The following TGM2 variants were observed in gnomAD, a reference collection of about 807,000 sequenced individuals.
TGM2 encodes protein-glutamine gamma-glutamyltransferase 2.
In TGM2, 53 loss-of-function variants were observed where a neutral mutation model predicts 75.6. That is an observed-to-expected ratio of 0.70 (90% confidence interval 0.56 to 0.88). TGM2 has a LOEUF of 0.88. TGM2 is among the 40% of genes least tolerant of loss of function. The pLI, the probability that TGM2 is intolerant of heterozygous loss-of-function variation, is 0.00. For missense variants in TGM2, 842 were observed against 928.5 expected (o/e 0.91, Z 1.21); for synonymous variants, 374 against 381.1 (o/e 0.98, Z 0.22).
In TGM2 at chr20:38,128,930, C is replaced by G. The variant is rs2074794055; in HGVS notation, c.*1289G>C. 1 of 152,424 alleles carries G rather than the reference C, an allele frequency of 6.6e-6. No homozygotes were observed. The highest frequency in any genetic ancestry group is 1.5e-5 in the Non-Finnish European group (1 of 68,208). 9.4% of individuals were successfully genotyped at this position (152,424 alleles called of 1,614,324 possible). On this transcript the variant is annotated 3_prime_UTR_variant, in exon 13 of 13. Transcript: ENST00000361475. ...CTGGCAGCTAAGGCTGTTGGGAAGT[C>G]TAGGCATTGCAGCGGGCAGGCTCAT... is the stretch of plus-strand genomic sequence containing the variant.
chr20:38,128,658 G>A lies in TGM2; in HGVS notation c.*1561C>T, dbSNP rs1240816876. On this transcript the variant is annotated 3_prime_UTR_variant, in exon 13 of 13. Transcript: ENST00000361475. ...CAGAAAGTTCTAAATGCAACAGCAT[G>A]ATTCTCTCCAAGTCCTTCCCTGGGA... The A allele has an allele frequency of 6.6e-6, 1 of 152,208 alleles. No homozygotes were observed. Among genetic ancestry groups the A allele is most frequent in the Non-Finnish European group, 1.5e-5 (1 of 68,048 alleles). 9.4% of individuals were successfully genotyped at this position (152,208 alleles called of 1,614,324 possible). A position where few individuals can be genotyped will look rare whatever the true frequency, so the allele number is the denominator to read the frequency against.
chr20:38,140,611 C>T (rs548508745), intron 8 of TGM2, among the ~76,000 whole-genome samples: 4 of 152,180 alleles, frequency 2.6e-5, no homozygotes, highest in South Asian at 4.1e-4. Context: ...GTCATTACAA[C>T]CTTACAGCTG....
chr20:38,135,981 C>T (rs975549814), intron 10 of TGM2, among the ~76,000 whole-genome samples: 9 of 152,326 alleles, frequency 5.9e-5, no homozygotes, highest in Middle Eastern at 3.4e-3. Context: ...ATGTTCACCG[C>T]GCCCAAGGTG....
intron 8 of TGM2, among the ~76,000 whole-genome samples, chr20:38,140,265 A>T (rs2074955145): frequency 6.6e-6 from 1 of 152,264 alleles, no homozygotes; most frequent in Non-Finnish European, 1.5e-5. Context: ...TAGAGGCTGG[A>T]TAGATACAGT....
intron 2 of TGM2, among the ~76,000 whole-genome samples, chr20:38,159,315 TATGGACGCATAG>T (rs2122964747): frequency 1.3e-5 from 2 of 152,064 alleles, no homozygotes; most frequent in South Asian, 4.2e-4. Flanking sequence ...GACGAGAACA[TATGGACGCATAG>T]AGGGAAACAA....
chr20:38,154,818 CA>C (rs1420846459), intron 3 of TGM2, among the ~76,000 whole-genome samples: 1 of 152,108 alleles, frequency 6.6e-6, no homozygotes. Flanking sequence ...CAGGGCCTCC[CA>C]CCTCAGCCGG....
At chr20:38,146,333 T>G in intron 6 of TGM2, 1 of 357,282 alleles carries the variant, frequency 2.8e-6, no homozygotes, top group Non-Finnish European at 5.4e-6. Flanking sequence ...AAGGTCTTGA[T>G]GTTGTCCCCA....
In TGM2 at chr20:38,146,856, G is replaced by A; in HGVS notation, c.720C>T (p.Arg240=). ...CNDDQGVLLG[R]WDNNYGDGVS... is the part of the protein sequence containing the mutation. ...CGCCGTCCCCGTAGTTGTTGTCCCA[G>A]CGTCCCAGCAGCACACCCTGGTCAT... The change falls in exon 6 of 13, where the codon CGC becomes CGT. Residue 240 remains arginine (R), a synonymous_variant. Coordinates refer to ENST00000361475, the MANE Select transcript of TGM2 (RefSeq NM_004613.4). 1 of 1,614,010 alleles carries A rather than the reference G, an allele frequency of 6.2e-7. No individual in the cohort carries two copies. The highest frequency in any genetic ancestry group is 8.5e-7 in the Non-Finnish European group (1 of 1,180,046).
chr20:38,130,410 C>T, intron 12 of TGM2, 41 bp from the exon 13 acceptor site: 1 of 1,556,076 alleles, frequency 6.4e-7, no homozygotes, highest in African/African-American at 1.4e-5. Flanking sequence ...GGGCCCAAGG[C>T]CTGGCTCCCG....
intron 3 of TGM2, among the ~76,000 whole-genome samples, chr20:38,153,100 A>G (rs1411756293): frequency 1.3e-5 from 2 of 152,082 alleles, no homozygotes; most frequent in Non-Finnish European, 2.9e-5. Context: ...GCCACAGGGT[A>G]TGAAGCAAGG....
intron 9 of TGM2, among the ~76,000 whole-genome samples, chr20:38,138,821 G>C (rs1600486997): frequency 6.6e-6 from 1 of 152,280 alleles, no homozygotes; most frequent in East Asian, 1.9e-4. Context: ...CCCTGTCTCT[G>C]ATTGCTCCCT....
intron 6 of TGM2, 119 bp downstream of exon 6, chr20:38,146,598 C>T (rs577867649): frequency 2.7e-5 from 32 of 1,198,350 alleles, no homozygotes; most frequent in African/African-American, 1.4e-4. Context: ...GGCCACATAG[C>T]GCATTGAGAG....
upstream of TGM2, among the ~76,000 whole-genome samples, chr20:38,165,889 A>G (rs1486291552): frequency 1.3e-5 from 2 of 152,082 alleles, no homozygotes; most frequent in African/African-American, 2.4e-5. Context: ...ACACCAGGAC[A>G]TAGATACAGC....
intron 3 of TGM2, among the ~76,000 whole-genome samples, chr20:38,153,517 T>C (rs990941908): frequency 1.5e-5 from 1 of 65,032 alleles, no homozygotes; most frequent in African/African-American, 1.5e-4. Flanking sequence ...AGAGAGAGCC[T>C]TGGTCTCAAA....
chr20:38,160,764 G>T (rs2075243025), intron 2 of TGM2, among the ~76,000 whole-genome samples: 1 of 152,206 alleles, frequency 6.6e-6, no homozygotes, highest in African/African-American at 2.4e-5. Flanking sequence ...TGCCTGGCTG[G>T]GTTGCGTGGA....
chr20:38,129,922 C>A lies in TGM2; in HGVS notation c.*297G>T. The A allele has an allele frequency of 2.2e-6, 1 of 456,746 alleles. No individual in the cohort carries two copies. The allele number at this position is 456,746 out of a possible 1,614,324, so 28.3% of individuals were successfully genotyped here. A position where few individuals can be genotyped will look rare whatever the true frequency, so the allele number is the denominator to read the frequency against. On this transcript the variant is annotated 3_prime_UTR_variant, in exon 13 of 13. Coordinates refer to ENST00000361475, the MANE Select transcript of TGM2 (RefSeq NM_004613.4). Reference sequence around the variant, plus strand: ...TGGTCAATGGCTTTCCAAAGGGCATCTGGGCAGGAGAGGGAATGTAGGTCT... The same window carrying A: ...TGGTCAATGGCTTTCCAAAGGGCATATGGGCAGGAGAGGGAATGTAGGTCT...
In TGM2 at chr20:38,139,471, G is replaced by T; in HGVS notation, c.1283C>A (p.Thr428Asn). ...RSLIVGLKIS[T>N]KSVGRDERED... The stretch of plus-strand genomic sequence containing the variant: ...CCGCTCGTCTCGGCCCACGCTCTTA[G>T]TGCTGATCTTCAGCCCAACGATCAG... Residue 428 changes from threonine to asparagine, a missense_variant, in exon 9 of 13, where the codon ACT becomes AAT. Physicochemically the swap from Thr to Asn is moderately conservative, Grantham distance 65. Transcript: ENST00000361475. The T allele has an allele frequency of 6.2e-7, 1 of 1,614,220 alleles. No homozygotes were observed. The highest frequency in any genetic ancestry group is 8.5e-7 in the Non-Finnish European group (1 of 1,180,036).
At chr20:38,140,631 G>A (rs6127225) in intron 8 of TGM2, among the ~76,000 whole-genome samples, 5,065 of 152,224 alleles carry the variant, frequency 0.033, 182 homozygotes, top group African/African-American at 0.084. Context: ...GTCCCAGATG[G>A]CAGGAAATTA....
chr20:38,138,493 A>G lies in TGM2; in HGVS notation c.1343-108T>C, dbSNP rs2074929521. 9 of 1,592,650 alleles carry G rather than the reference A, an allele frequency of 5.7e-6. No homozygotes were observed. In the East Asian group the frequency reaches 6.7e-5, roughly 12 times the overall value. On this transcript the variant is annotated intron_variant, in intron 9 of 12. Transcript: ENST00000361475. ...AGAGGCCTGATGACTCAGGGCAGCC[A>G]TGAAGGAGCCCCTTCTCTACATTTC...
Sources: gnomAD v4.1 joint callset for allele counts (sites outside exome capture counted in the v4.1 genomes callset) on GRCh38, gnomAD v4.1.1 for gene constraint, MANE v1.5 for transcripts, NCBI Gene and HGNC (gene_info 2026-07-23, HGNC 2026-07-21) for gene names.